DACH2: variants seen among roughly 807,000 people sequenced by gnomAD.
DACH2 encodes dachshund family transcription factor 2, also known as dachshund homolog 2.
A neutral mutation model predicts 35.8 loss-of-function variants in DACH2; 17 were observed. The observed-to-expected ratio is 0.48, with a 90% CI of 0.33 to 0.71. The LOEUF is 0.71. Among genes scored for constraint, DACH2 ranks in the 30% least tolerant of loss-of-function variants. The pLI, the probability that DACH2 is intolerant of heterozygous loss-of-function variation, is 0.02. For missense variants in DACH2, 469 were observed against 472.7 expected (o/e 0.99, Z 0.07); for synonymous variants, 195 against 177.3 (o/e 1.10, Z -0.79).
Position 86,362,411 on chromosome X carries a change from C to T in DACH2, c.489-14413C>T, listed in dbSNP as rs890932912. ...CAAAAAATAAACTTAAAAAAATTGG[C>T]TAAAATGTAGAGGTGATTAGCTTTA... On this transcript the variant is annotated intron_variant, in intron 1 of 11. Transcript: ENST00000373125. Among the ~76,000 whole-genome samples the T allele has an allele frequency of 4.5e-5, 5 of 111,218 alleles. No individual in the cohort carries two copies. In the Admixed American group the frequency reaches 4.8e-4, roughly 11 times the overall value.
intron 1 of DACH2, among the ~76,000 whole-genome samples, chrX:86,240,344 T>G (rs1368583481): frequency 9.0e-6 from 1 of 111,100 alleles, no homozygotes; most frequent in Non-Finnish European, 1.9e-5. Flanking sequence ...AATGTTAAAG[T>G]TGGCTATCCT....
At chrX:86,396,540 T>C (rs1297673734) in intron 2 of DACH2, among the ~76,000 whole-genome samples, 4 of 103,753 alleles carry the variant, frequency 3.9e-5, no homozygotes, top group African/African-American at 1.4e-4. Context: ...TTTAAGTCTT[T>C]AATCCATCTT....
chrX:86,748,832 C>CA (rs1377462684), intron 7 of DACH2, among the ~76,000 whole-genome samples: 1 of 111,395 alleles, frequency 9.0e-6, no homozygotes, highest in Non-Finnish European at 1.9e-5. Flanking sequence ...CATCTTCTTC[C>CA]AATATAAGGG....
Position 86,177,314 on chromosome X carries a change from C to T in DACH2, c.488+28206C>T, listed in dbSNP as rs186844559. On this transcript the variant is annotated intron_variant, in intron 1 of 11. Coordinates refer to ENST00000373125, the MANE Select transcript of DACH2 (RefSeq NM_053281.3). ...CATAATGCATTCAAAGTGGCAGAAA[C>T]CAAATCAGTATATATTTTTGACACC... Among the ~76,000 whole-genome samples the T allele has an allele frequency of 3.2e-3, 353 of 111,616 alleles. 1 individual carries two copies. Among genetic ancestry groups the T allele is most frequent in the Non-Finnish European group, 5.3e-3 (280 of 52,965 alleles).
At chrX:86,502,975 T>A (rs1358947686) in intron 2 of DACH2, among the ~76,000 whole-genome samples, 9 of 111,761 alleles carry the variant, frequency 8.1e-5, no homozygotes, top group Non-Finnish European at 1.1e-4. Context: ...TGACATACAC[T>A]AGGGGATTCT....
At chrX:86,727,585 C>T (rs2041484311) in intron 6 of DACH2, among the ~76,000 whole-genome samples, 1 of 110,838 alleles carries the variant, frequency 9.0e-6, no homozygotes, top group African/African-American at 3.3e-5. Context: ...GGTGGATCCC[C>T]CATGAATGGC....
intron 2 of DACH2, among the ~76,000 whole-genome samples, chrX:86,434,675 G>C (rs1482205010): frequency 1.8e-5 from 2 of 111,175 alleles, no homozygotes; most frequent in African/African-American, 6.6e-5. Context: ...TTCCACCACT[G>C]TTTTTGTTTT....
chrX:86,237,606 C>A (rs975370342), intron 1 of DACH2, among the ~76,000 whole-genome samples: 2 of 111,720 alleles, frequency 1.8e-5, no homozygotes, highest in African/African-American at 6.5e-5. Flanking sequence ...ACCCATTTGG[C>A]CTGGCAGGCT....
intron 3 of DACH2, among the ~76,000 whole-genome samples, chrX:86,542,695 A>T (rs1416809110): frequency 8.9e-6 from 1 of 112,092 alleles, no homozygotes; most frequent in Non-Finnish European, 1.9e-5. Flanking sequence ...TTGACATTAA[A>T]ATCACCCTTC....
At chrX:86,283,726 G>T (rs561354476) in intron 1 of DACH2, among the ~76,000 whole-genome samples, 7 of 107,664 alleles carry the variant, frequency 6.5e-5, no homozygotes, top group Non-Finnish European at 1.3e-4. Context: ...GGGCCTGTTG[G>T]GGGTGGGGGG....
Position 86,501,874 on chromosome X carries a change from C to T in DACH2, c.528-12405C>T, listed in dbSNP as rs778005834. Among the ~76,000 whole-genome samples, 5 of 111,227 alleles carry T rather than the reference C, an allele frequency of 4.5e-5. No homozygotes were observed. In the South Asian group the frequency reaches 1.1e-3, roughly 26 times the overall value. On this transcript the variant is annotated intron_variant, in intron 2 of 11. Coordinates refer to ENST00000373125, the MANE Select transcript of DACH2 (RefSeq NM_053281.3). The stretch of plus-strand genomic sequence containing the variant: ...TTTTGGTATTTTAAACCAGTTAGAG[C>T]GGGGTTAATGAAAAAAATCAATATA...
chrX:86,324,666 C>T (rs1304517139), intron 1 of DACH2, among the ~76,000 whole-genome samples: 1 of 100,489 alleles, frequency 1.0e-5, no homozygotes, highest in Admixed American at 1.1e-4. Context: ...GCAAGCTCCG[C>T]CTCCCGGGTT....
At chrX:86,509,879 A>G (rs1221988652) in intron 2 of DACH2, among the ~76,000 whole-genome samples, 1 of 112,074 alleles carries the variant, frequency 8.9e-6, no homozygotes, top group African/African-American at 3.2e-5. Context: ...AATATCAGTG[A>G]TAACTCTGAA....
rs775876130 is a variant in DACH2 at position 86,423,176 on chromosome X, G to A, written c.527+46314G>A. ...AATATACTGATTTCATTTCTTTTGG[G>A]TATATAGCCAGCAGGGAGATTGCGG... On this transcript the variant is annotated intron_variant, in intron 2 of 11. Transcript: ENST00000373125. 3.6e-5 allele frequency among the ~76,000 whole-genome samples: 4 copies of A among 111,170 alleles called. 1 individual carries two copies. The South Asian group carries it at 1.5e-3, about 41-fold the overall frequency.
rs185308044 is a variant in DACH2, at chrX:86,247,012, A to G, written c.488+97904A>G. ...TACCAAGTAAATGAAAAACAAAATA[A>G]AAGCATGGGTTGCTTTTTAATTTCA... On this transcript the variant is annotated intron_variant, in intron 1 of 11. Coordinates refer to ENST00000373125, the MANE Select transcript of DACH2 (RefSeq NM_053281.3). Among the ~76,000 whole-genome samples the G allele has an allele frequency of 1.2e-4, 13 of 111,890 alleles. No homozygotes were observed. In the East Asian group the frequency reaches 3.7e-3, roughly 31 times the overall value.
intron 2 of DACH2, among the ~76,000 whole-genome samples, chrX:86,387,929 A>G (rs905913693): frequency 8.9e-6 from 1 of 112,536 alleles, no homozygotes; most frequent in African/African-American, 3.2e-5. Flanking sequence ...ATATATGCAA[A>G]AAAAGCCCCC....
At chrX:86,739,465 C>A (rs2041630627) in intron 6 of DACH2, among the ~76,000 whole-genome samples, 1 of 111,656 alleles carries the variant, frequency 9.0e-6, no homozygotes, top group Non-Finnish European at 1.9e-5. Flanking sequence ...CACTGTTAAT[C>A]ATTTATGAAT....
rs2040555609 is a variant in DACH2, at chrX:86,657,378, A to G, written c.772+6211A>G. 2.7e-5 allele frequency among the ~76,000 whole-genome samples: 3 copies of G among 110,924 alleles called. No individual in the cohort carries two copies. The Admixed American group carries it at 2.9e-4, about 11-fold the overall frequency. ...TAATACATAAATATACTTACCATGT[A>G]CCCACAAAAATTAAAAACCTAGTTA... On this transcript the variant is annotated intron_variant, in intron 4 of 11. Coordinates refer to ENST00000373125, the MANE Select transcript of DACH2 (RefSeq NM_053281.3).
intron 1 of DACH2, among the ~76,000 whole-genome samples, chrX:86,285,554 G>C (rs762656949): frequency 5.4e-4 from 60 of 111,961 alleles, no homozygotes; most frequent in African/African-American, 1.9e-3. Context: ...TTTTGTGAAT[G>C]TTTTAAGACT....
Sources: gnomAD v4.1 joint callset for allele counts (sites outside exome capture counted in the v4.1 genomes callset) on GRCh38, gnomAD v4.1.1 for gene constraint, MANE v1.5 for transcripts, NCBI Gene and HGNC (gene_info 2026-07-23, HGNC 2026-07-21) for gene names.